RP1: variants seen among roughly 807,000 people sequenced by gnomAD.
The protein encoded by RP1 is RP1 axonemal microtubule associated.
RP1 carries 16 observed loss-of-function variants against 14.8 expected under a neutral mutation model. That is an observed-to-expected ratio of 1.08 (90% CI 0.73 to 1.65). RP1 has a LOEUF of 1.65. RP1 is among the 40% of genes most tolerant of loss of function. The pLI is 0.00. For missense variants in RP1, 2,631 were observed against 2,535.0 expected (o/e 1.04, Z -0.81); for synonymous variants, 876 against 883.6 (o/e 0.99, Z 0.15).
chr8:54,701,811 A>G (rs377117500), intron 14 of RP1: 32 of 674,884 alleles, frequency 4.7e-5, no homozygotes, highest in African/African-American at 9.1e-5. Context: ...TCTGTTTGGC[A>G]GACTTTGAAA....
downstream of RP1, among the ~76,000 whole-genome samples, chr8:54,631,868 T>C (rs903059879): frequency 6.6e-6 from 1 of 151,040 alleles, no homozygotes; most frequent in African/African-American, 2.4e-5. Context: ...TGAGACAGAG[T>C]TTCGCTCTTG....
At chr8:54,577,607 GAAT>G (rs1257819113) in intron 1 of RP1, among the ~76,000 whole-genome samples, 1 of 152,146 alleles carries the variant, frequency 6.6e-6, no homozygotes, top group East Asian at 1.9e-4. Context: ...AATTACTTAT[GAAT>G]AATAATGATA....
At chr8:54,832,711 T>G (rs1181446740) in intron 24 of RP1, among the ~76,000 whole-genome samples, 2 of 150,196 alleles carry the variant, frequency 1.3e-5, no homozygotes, top group African/African-American at 4.9e-5. Context: ...GCAGTAACTC[T>G]GTATTCTGTT....
intron 1 of RP1, among the ~76,000 whole-genome samples, chr8:54,600,444 G>A (rs1805248799): frequency 6.6e-6 from 1 of 152,202 alleles, no homozygotes; most frequent in Non-Finnish European, 1.5e-5. Context: ...GAGTGGCGGG[G>A]AGTTGGGGAG....
chr8:54,753,392 G>A (rs756916397), intron 19 of RP1, among the ~76,000 whole-genome samples: 2 of 152,174 alleles, frequency 1.3e-5, no homozygotes, highest in Non-Finnish European at 2.9e-5. Context: ...TCAAATATTA[G>A]CTGTTAAATC....
Position 54,803,682 on chromosome 8 carries a change from C to T in RP1, c.3615+19972C>T, listed in dbSNP as rs1810770669. Among the ~76,000 whole-genome samples the T allele has an allele frequency of 1.3e-5, 2 of 151,994 alleles. 1 individual carries two copies. The highest frequency in any genetic ancestry group is 1.3e-4 in the Admixed American group (2 of 15,224). ...AAAAAAGGTAAAAACATGTATGCTA[C>T]AATTTATTTAAGAAAAGAAGTGTTA... On this transcript the variant is annotated intron_variant, in intron 24 of 28. Transcript: ENST00000637698.
intron 6 of RP1, among the ~76,000 whole-genome samples, chr8:54,656,812 G>A (rs770071895): frequency 4.5e-5 from 6 of 132,060 alleles, no homozygotes; most frequent in Non-Finnish European, 9.9e-5. Flanking sequence ...AACGGGATAA[G>A]GGCATACGAG....
At chr8:54,705,518 A>G (rs543395197) in intron 14 of RP1, among the ~76,000 whole-genome samples, 1 of 152,156 alleles carries the variant, frequency 6.6e-6, no homozygotes, top group African/African-American at 2.4e-5. Context: ...TCAGGAGGTC[A>G]CTTAACACTT....
At position 54,630,354 on chromosome 8, in the gene RP1, T is replaced by C. The variant is rs1236759102; in HGVS notation, c.*1T>C. The C allele has an allele frequency of 6.2e-7, 1 of 1,613,564 alleles. No individual in the cohort carries two copies. The highest frequency in any genetic ancestry group is 1.1e-5 in the South Asian group (1 of 91,014). On this transcript the variant is annotated 3_prime_UTR_variant, in exon 4 of 4. Coordinates refer to ENST00000220676, the MANE Select transcript of RP1 (RefSeq NM_006269.2). Reference sequence around the variant, plus strand: ...CAGTAGAGAACAAGAAGATTTATAATTTCAATATCAGCACACTCATTCTTT... The same window carrying C: ...CAGTAGAGAACAAGAAGATTTATAACTTCAATATCAGCACACTCATTCTTT...
intron 3 of RP1, among the ~76,000 whole-genome samples, chr8:54,622,968 C>T (rs532824217): frequency 6.6e-6 from 1 of 152,264 alleles, no homozygotes; most frequent in African/African-American, 2.4e-5. Flanking sequence ...TCAGTATTTC[C>T]AGGGAAGACA....
At chr8:54,682,075 G>T (rs1807447821) in intron 12 of RP1, among the ~76,000 whole-genome samples, 1 of 151,806 alleles carries the variant, frequency 6.6e-6, no homozygotes, top group Non-Finnish European at 1.5e-5. Flanking sequence ...GGGATTGCTG[G>T]GCCAAATGGT....
At chr8:54,672,743 TTTTC>T in intron 7 of RP1, among the ~76,000 whole-genome samples, 1 of 152,306 alleles carries the variant, frequency 6.6e-6, no homozygotes, top group East Asian at 1.9e-4. Flanking sequence ...ATATTTAACT[TTTTC>T]TTTTACTGAG....
chr8:54,865,812 A>T (rs538903344), intron 27 of RP1: 9 of 1,002,602 alleles, frequency 9.0e-6, no homozygotes, highest in Non-Finnish European at 1.2e-5. Context: ...AGTTAAATAA[A>T]TCTCCTTTGT....
intron 1 of RP1, among the ~76,000 whole-genome samples, chr8:54,609,092 GT>G (rs1472383227): frequency 6.6e-6 from 1 of 152,192 alleles, no homozygotes; most frequent in Non-Finnish European, 1.5e-5. Flanking sequence ...AAATCAAGGT[GT>G]AGACCAGGAA....
chr8:54,750,172 C>G (rs1261319855), intron 19 of RP1, among the ~76,000 whole-genome samples: 4 of 152,000 alleles, frequency 2.6e-5, no homozygotes, highest in Non-Finnish European at 4.4e-5. Flanking sequence ...AACCACAATC[C>G]CAAATAATTT....
chr8:54,734,763 A>G (rs1808878511), intron 18 of RP1: 3 of 1,513,552 alleles, frequency 2.0e-6, no homozygotes, highest in Non-Finnish European at 2.6e-6. Flanking sequence ...CACTGGCAGT[A>G]ATATTTTCCT....
intron 26 of RP1, among the ~76,000 whole-genome samples, chr8:54,856,826 G>A (rs746217040): frequency 7.9e-5 from 12 of 152,146 alleles, no homozygotes; most frequent in Non-Finnish European, 1.5e-4. Flanking sequence ...TGTGACTTAG[G>A]AGAGCAAGAA....
chr8:54,621,236 C>G lies in RP1; in HGVS notation c.270C>G (p.His90Gln), dbSNP rs1212787075. The G allele has an allele frequency of 2.5e-6, 4 of 1,614,070 alleles. No homozygotes were observed. Among genetic ancestry groups the G allele is most frequent in the Non-Finnish European group, 1.7e-6 (2 of 1,180,056 alleles). Residue 90 changes from histidine to glutamine, a missense_variant, in exon 2 of 4, where the codon CAC becomes CAG. His to Gln is a conservative substitution (Grantham distance 24). Transcript: ENST00000220676. The stretch of plus-strand genomic sequence containing the variant: ...ACATCAGCACCCCTCGGGGCAGGCA[C>G]AGCATCACGCGCCTGGAGGAGCTGG... ...VRNISTPRGR[H>Q]SITRLEELED...
At chr8:54,623,020 T>G (rs761984506) in intron 3 of RP1, among the ~76,000 whole-genome samples, 3 of 152,234 alleles carry the variant, frequency 2.0e-5, no homozygotes, top group Non-Finnish European at 4.4e-5. Flanking sequence ...TACTTAAATT[T>G]AAGTTTTTAT....
Sources: allele counts gnomAD v4.1 joint callset (sites outside exome capture counted in the v4.1 genomes callset), GRCh38; gene constraint gnomAD v4.1.1; transcripts MANE v1.5; gene names NCBI Gene and HGNC (gene_info 2026-07-23, HGNC 2026-07-21).